Variants in RBBP5 observed in about 807,000 individuals in gnomAD.
The protein encoded by RBBP5 is RB binding protein 5, histone lysine methyltransferase complex subunit.
RBBP5 carries 5 observed loss-of-function variants against 72.2 expected under a neutral mutation model. The observed-to-expected ratio is 0.07, with a 90% CI of 0.04 to 0.15. The LOEUF is 0.15. RBBP5 is among the 10% of genes least tolerant of loss of function. The pLI, the probability that RBBP5 is intolerant of heterozygous loss-of-function variation, is 1.00. For missense variants in RBBP5, 322 were observed against 652.2 expected (o/e 0.49, Z 5.51); for synonymous variants, 209 against 237.2 (o/e 0.88, Z 1.09).
In RBBP5 at chr1:205,114,970, T is replaced by G; in HGVS notation, c.46-9A>C. The G allele has an allele frequency of 6.3e-7, 1 of 1,580,222 alleles. No individual in the cohort carries two copies. Among genetic ancestry groups the G allele is most frequent in the Non-Finnish European group, 8.6e-7 (1 of 1,160,176 alleles). On this transcript the variant is annotated splice_polypyrimidine_tract_variant and intron_variant, in intron 2 of 13. Transcript: ENST00000264515. ...AAAGTTCCATCAGCTTCCTAAAAAT[T>G]GAAACAAATACAAGAATAGAGGCAA...
At position 205,099,895 on chromosome 1, in the gene RBBP5, G is replaced by A. The variant is rs781782060; in HGVS notation, c.906+16C>T. On this transcript the variant is annotated intron_variant, in intron 8 of 13. Transcript: ENST00000264515. This position sits in a 1 kb window ranked among gnomAD's most constrained non-coding sequence, Gnocchi z 4.7. The stretch of plus-strand genomic sequence containing the variant: ...GGATTATGTGACTAACAAAAGCAAT[G>A]TCCTAATGTACTCACAGCTACATCC... The A allele has an allele frequency of 1.2e-6, 2 of 1,613,894 alleles. No individual in the cohort carries two copies. The highest frequency in any genetic ancestry group is 1.1e-5 in the South Asian group (1 of 91,064).
intron 3 of RBBP5, among the ~76,000 whole-genome samples, chr1:205,107,197 G>C (rs1378969044): frequency 6.6e-6 from 1 of 152,062 alleles, no homozygotes; most frequent in Non-Finnish European, 1.5e-5. Flanking sequence ...AGAGAATACA[G>C]ACTGGGATGT....
intron 13 of RBBP5, among the ~76,000 whole-genome samples, chr1:205,090,637 C>T (rs1020837979): frequency 6.6e-6 from 1 of 152,244 alleles, no homozygotes; most frequent in East Asian, 1.9e-4. Flanking sequence ...TTAGCTACAA[C>T]ATAAAGGAAA....
intron 1 of RBBP5, among the ~76,000 whole-genome samples, chr1:205,117,991 G>A (rs1335787744): frequency 6.6e-6 from 1 of 151,778 alleles, no homozygotes; most frequent in Non-Finnish European, 1.5e-5. Context: ...TGTATTTTTA[G>A]TAGAGACGGG....
At chr1:205,108,242 C>CA (rs111583149) in intron 3 of RBBP5, among the ~76,000 whole-genome samples, 61,012 of 141,606 alleles carry the variant, frequency 0.43, 13,029 homozygotes, top group Non-Finnish European at 0.48. Flanking sequence ...GAATCCGTCT[C>CA]AAAAAAAAAA....
At position 205,098,689 on chromosome 1, in the gene RBBP5, C is replaced by T. The variant is rs1006376813; in HGVS notation, c.1096+300G>A. ...GGAAACCCCATCTCTACTAAAAATACAAAAAATTCGCTGGGAGTGGTGGCA... is the reference window on the plus strand; with the variant it reads ...GGAAACCCCATCTCTACTAAAAATATAAAAAATTCGCTGGGAGTGGTGGCA... On this transcript the variant is annotated intron_variant, in intron 10 of 13. Coordinates refer to ENST00000264515, the MANE Select transcript of RBBP5 (RefSeq NM_005057.4). Among the ~76,000 whole-genome samples, 7 of 151,870 alleles carry T rather than the reference C, an allele frequency of 4.6e-5. No individual in the cohort carries two copies. The East Asian group carries it at 7.8e-4, about 17-fold the overall frequency.
At chr1:205,107,903 G>A (rs1186303915) in intron 3 of RBBP5, among the ~76,000 whole-genome samples, 10 of 139,288 alleles carry the variant, frequency 7.2e-5, no homozygotes, top group African/African-American at 1.6e-4. Context: ...CCGAGATCGC[G>A]CTATTGCACT....
chr1:205,094,658 T>C (rs913182517), intron 13 of RBBP5, among the ~76,000 whole-genome samples: 10 of 152,224 alleles, frequency 6.6e-5, no homozygotes, highest in Non-Finnish European at 1.0e-4. Context: ...TGTAGATTTA[T>C]TGAAAACTAT....
intron 1 of RBBP5, among the ~76,000 whole-genome samples, chr1:205,118,578 T>C (rs1427158722): frequency 6.6e-6 from 1 of 152,020 alleles, no homozygotes; most frequent in Non-Finnish European, 1.5e-5. Flanking sequence ...GCCAAGATCA[T>C]GCCACTGCAC....
In RBBP5 at chr1:205,105,009, A is replaced by G; in HGVS notation, c.359+19T>C. 1.2e-6 allele frequency: 2 copies of G among 1,612,012 alleles called. No homozygotes were observed. The highest frequency in any genetic ancestry group is 1.7e-6 in the Non-Finnish European group (2 of 1,178,284). ...ATAGAATTAGACCCCACCCCAGGAG[A>G]GAAATAGCTTAAACATACTGATCTC... is the stretch of plus-strand genomic sequence containing the variant. On this transcript the variant is annotated intron_variant, in intron 4 of 13. Coordinates refer to ENST00000264515, the MANE Select transcript of RBBP5 (RefSeq NM_005057.4).
intron 2 of RBBP5, among the ~76,000 whole-genome samples, chr1:205,115,194 A>G (rs184784702): frequency 5.3e-5 from 8 of 152,352 alleles, no homozygotes; most frequent in Non-Finnish European, 7.3e-5. Flanking sequence ...CATCACTACT[A>G]TAACTTTGTA....
intron 10 of RBBP5, among the ~76,000 whole-genome samples, chr1:205,098,109 T>A (rs992853682): frequency 2.0e-5 from 3 of 152,182 alleles, no homozygotes; most frequent in Non-Finnish European, 4.4e-5. Context: ...ATAATGGAAA[T>A]TAATATCTTA....
At position 205,114,907 on chromosome 1, in the gene RBBP5, T is replaced by C. The variant is rs766459080; in HGVS notation, c.100A>G (p.Arg34Gly). The C allele has an allele frequency of 1.3e-6, 2 of 1,592,896 alleles. No individual in the cohort carries two copies. The highest frequency in any genetic ancestry group is 1.7e-6 in the Non-Finnish European group (2 of 1,167,130). The change falls in exon 3 of 14, where the codon AGG becomes GGG. Residue 34 changes from arginine (R) to glycine (G), a missense_variant. Transcript: ENST00000264515. ...ISMALTCTFN[R>G]WGTLLAVGCN... ...CCAACTGCAAGCAGTGTGCCCCACC[T>C]GTTAAAGGTGCAAGTCAAAGCCATG...
intron 3 of RBBP5, among the ~76,000 whole-genome samples, chr1:205,114,179 C>A (rs1656433032): frequency 6.6e-6 from 1 of 152,164 alleles, no homozygotes; most frequent in African/African-American, 2.4e-5. Flanking sequence ...CTTTATAATA[C>A]CATTTAGACA....
intron 6 of RBBP5, among the ~76,000 whole-genome samples, chr1:205,101,338 T>C (rs1655813183): frequency 1.3e-5 from 2 of 152,338 alleles, no homozygotes; most frequent in Non-Finnish European, 2.9e-5. Context: ...GCTTACTATA[T>C]GCCAGGCATT....
At chr1:205,106,225 C>A (rs970560135) in intron 3 of RBBP5, among the ~76,000 whole-genome samples, 1 of 152,212 alleles carries the variant, frequency 6.6e-6, no homozygotes, top group Non-Finnish European at 1.5e-5. Flanking sequence ...TTTCACCCAC[C>A]TCTGGGAATA....
chr1:205,102,361 C>T (rs543532034), intron 5 of RBBP5, among the ~76,000 whole-genome samples: 1 of 152,274 alleles, frequency 6.6e-6, no homozygotes, highest in South Asian at 2.1e-4. Context: ...ATGCTACACA[C>T]ATGGGTGAAG....
chr1:205,102,441 T>G (rs1283704227), intron 5 of RBBP5, among the ~76,000 whole-genome samples: 1 of 152,164 alleles, frequency 6.6e-6, no homozygotes, highest in African/African-American at 2.4e-5. Context: ...TCCCCTTATA[T>G]GAGGTACCTG....
chr1:205,096,556 A>G (rs1655626450), intron 12 of RBBP5, 126 bp downstream of exon 12: 3 of 833,618 alleles, frequency 3.6e-6, no homozygotes, highest in Non-Finnish European at 5.7e-6. Context: ...GTAAAACACT[A>G]TAAAACAGAC....
Sources: allele counts gnomAD v4.1 joint callset (sites outside exome capture counted in the v4.1 genomes callset), GRCh38; gene constraint gnomAD v4.1.1; non-coding constraint Gnocchi (gnomAD v3.1); transcripts MANE v1.5; gene names NCBI Gene and HGNC (gene_info 2026-07-23, HGNC 2026-07-21).